Variants in STAG2 observed in about 807,000 individuals in gnomAD.
The protein encoded by STAG2 is cohesin subunit SA-2.
In STAG2, 14 loss-of-function variants were observed where a neutral mutation model predicts 108.1. That is an observed-to-expected ratio of 0.13 (90% CI 0.09 to 0.20). The LOEUF is 0.20. Among genes scored for constraint, STAG2 ranks in the 10% least tolerant of loss-of-function variants. The pLI is 1.00. For synonymous variants in STAG2, 307 were observed against 302.7 expected (o/e 1.01, Z -0.15); for missense variants, 440 against 940.9 (o/e 0.47, Z 6.96).
intron 13 of STAG2, among the ~76,000 whole-genome samples, chrX:124,053,265 C>T (rs1053747057): frequency 9.8e-5 from 11 of 112,004 alleles, no homozygotes; most frequent in Admixed American, 2.8e-4. Context: ...AATAATATGA[C>T]GTTTTATAAA....
At chrX:124,006,646 CAT>C (rs2056308071) in intron 1 of STAG2, among the ~76,000 whole-genome samples, 4 of 110,155 alleles carry the variant, frequency 3.6e-5, no homozygotes, top group East Asian at 2.9e-4. Context: ...TCACTGTGTT[CAT>C]CAGGATGGTC....
intron 24 of STAG2, among the ~76,000 whole-genome samples, chrX:124,070,685 A>G (rs1173631518): frequency 1.8e-5 from 2 of 111,943 alleles, no homozygotes; most frequent in Non-Finnish European, 3.8e-5. Flanking sequence ...TGTGATCTCT[A>G]TTCTAATACT....
At chrX:123,983,974 C>CTTTTCTTTTTTTTTTTTT (rs1168788249) in intron 1 of STAG2, among the ~76,000 whole-genome samples, 6 of 61,482 alleles carry the variant, frequency 9.8e-5, no homozygotes, top group Non-Finnish European at 1.4e-4. Context: ...CTTTTCTTTT[C>CTTTTCTTTTTTTTTTTTT]TTTTTTTTTT....
intron 1 of STAG2, among the ~76,000 whole-genome samples, chrX:123,986,555 C>T (rs1369040757): frequency 9.0e-6 from 1 of 111,698 alleles, no homozygotes; most frequent in Non-Finnish European, 1.9e-5. Flanking sequence ...GCACCTATGA[C>T]ACCTTTATTG....
rs199881082 is a variant in STAG2 at position 123,983,974 on chromosome X, CTT to C, written c.-163+22138_-163+22139del. On this transcript the variant is annotated intron_variant, in intron 1 of 34. Transcript: ENST00000371145. ...AAAAAGAATAATTTTCTTTTCTTTT[CTT>C]TTTTTTTTTTTTTTTTTTTGAGACG... Among the ~76,000 whole-genome samples the C allele has an allele frequency of 8.1e-3, 500 of 61,438 alleles. 4 individuals carry two copies. Among genetic ancestry groups the C allele is most frequent in the Non-Finnish European group, 0.011 (409 of 36,307 alleles). 53.4% of individuals were successfully genotyped at this position (61,438 alleles called of 115,157 possible). A position where few individuals can be genotyped will look rare whatever the true frequency, so the allele number is the denominator to read the frequency against.
chrX:124,099,754 A>C (rs1263612940), intron 34 of STAG2, among the ~76,000 whole-genome samples: 1 of 111,692 alleles, frequency 9.0e-6, no homozygotes, highest in East Asian at 2.8e-4. Flanking sequence ...ATCAGTTCTT[A>C]ATAGCTTATT....
Position 124,100,646 on chromosome X carries a change from A to G in STAG2, c.*49A>G, listed in dbSNP as rs1258127419. On this transcript the variant is annotated 3_prime_UTR_variant, in exon 35 of 35. Transcript: ENST00000371145. The stretch of plus-strand genomic sequence containing the variant: ...GGTGAAGTCATTTTCTAAGTGGAAG[A>G]GGAAATTTTAAAGTGTGGTAGATAC... 1 of 1,059,511 alleles carries G rather than the reference A, an allele frequency of 9.4e-7. No homozygotes were observed. The highest frequency in any genetic ancestry group is 3.0e-5 in the East Asian group (1 of 32,974). The allele number at this position is 1,059,511 out of a possible 1,213,427, so 87.3% of individuals were successfully genotyped here. A position where few individuals can be genotyped will look rare whatever the true frequency, so the allele number is the denominator to read the frequency against.
intron 16 of STAG2, 146 bp downstream of exon 16, chrX:124,061,487 T>C (rs2058374759): frequency 8.6e-6 from 4 of 463,512 alleles, no homozygotes; most frequent in South Asian, 7.9e-5. Flanking sequence ...ATAAATATTA[T>C]GCTATGTAAA....
chrX:123,978,697 A>G (rs1399334795), intron 1 of STAG2, among the ~76,000 whole-genome samples: 1 of 111,782 alleles, frequency 8.9e-6, no homozygotes, highest in Non-Finnish European at 1.9e-5. Flanking sequence ...AAATCTTCCA[A>G]AATCTGAAAC....
intron 1 of STAG2, among the ~76,000 whole-genome samples, chrX:124,013,722 C>G (rs1035921774): frequency 9.1e-6 from 1 of 110,340 alleles, no homozygotes; most frequent in Non-Finnish European, 1.9e-5. Flanking sequence ...TAAGGCAACT[C>G]AAGAGACAAA....
At position 124,093,382 on chromosome X, in the gene STAG2, A is replaced by T. The variant is rs147713894; in HGVS notation, c.3579-636A>T. Among the ~76,000 whole-genome samples, 12 of 109,802 alleles carry T rather than the reference A, an allele frequency of 1.1e-4. No individual in the cohort carries two copies. In the East Asian group the frequency reaches 3.1e-3, roughly 29 times the overall value. ...GCATAGTTTTCTTGTAATATTTATC[A>T]CATTTTGTCATAATTAATTGTTTAT... On this transcript the variant is annotated intron_variant, in intron 32 of 34. Coordinates refer to ENST00000371145, the MANE Select transcript of STAG2 (RefSeq NM_001042750.2).
intron 26 of STAG2, among the ~76,000 whole-genome samples, 190 bp downstream of exon 26, chrX:124,076,661 G>T (rs1344713068): frequency 9.0e-6 from 1 of 111,150 alleles, no homozygotes; most frequent in Non-Finnish European, 1.9e-5. Flanking sequence ...GGTTTATTGT[G>T]TTCGTTTGCA....
chrX:124,009,033 A>C (rs1265150346), intron 1 of STAG2, among the ~76,000 whole-genome samples: 4 of 111,802 alleles, frequency 3.6e-5, no homozygotes, highest in Non-Finnish European at 7.5e-5. Context: ...TCTCTGTAGT[A>C]GAGTGTACTT....
intron 4 of STAG2, among the ~76,000 whole-genome samples, chrX:124,028,706 G>C (rs1434895487): frequency 1.9e-5 from 2 of 107,447 alleles, no homozygotes; most frequent in African/African-American, 6.8e-5. Context: ...CAGGCTTTCA[G>C]TGGAAAGAAA....
rs1194907098 is a variant in STAG2 at position 124,100,841 on chromosome X, G to A, written c.*244G>A. On this transcript the variant is annotated 3_prime_UTR_variant, in exon 35 of 35. Transcript: ENST00000371145. ...TAGAAAGTAAATATTTTATTTATGC[G>A]CTGTTAGTTGGCTTTTGAATCGATT... 5 of 260,803 alleles carry A rather than the reference G, an allele frequency of 1.9e-5. No homozygotes were observed. Among genetic ancestry groups the A allele is most frequent in the African/African-American group, 2.9e-5 (1 of 34,382 alleles). The allele number at this position is 260,803 out of a possible 1,213,427, so 21.5% of individuals were successfully genotyped here. A position where few individuals can be genotyped will look rare whatever the true frequency, so the allele number is the denominator to read the frequency against.
intron 15 of STAG2, among the ~76,000 whole-genome samples, 177 bp downstream of exon 15, chrX:124,058,154 C>CTTTTTTT (rs999044036): frequency 1.2e-4 from 9 of 72,941 alleles, no homozygotes; most frequent in Non-Finnish European, 2.1e-4. Context: ...TACTTTTCTT[C>CTTTTTTT]TTTTTTTTTT....
intron 24 of STAG2, 132 bp downstream of exon 24, chrX:124,068,788 T>TA (rs1196331790): frequency 5.1e-6 from 2 of 389,776 alleles, no homozygotes; most frequent in Non-Finnish European, 8.8e-6. Context: ...TATATTATAC[T>TA]AAAAAAATAG....
intron 1 of STAG2, among the ~76,000 whole-genome samples, chrX:124,001,351 A>G (rs1040740943): frequency 1.8e-5 from 2 of 111,663 alleles, no homozygotes; most frequent in African/African-American, 3.3e-5. Flanking sequence ...CGGCCTCCCA[A>G]AGTGCTGAGA....
intron 1 of STAG2, among the ~76,000 whole-genome samples, chrX:123,969,218 G>A (rs749642224): frequency 9.0e-6 from 1 of 111,379 alleles, no homozygotes; most frequent in East Asian, 2.8e-4. Flanking sequence ...TAAAGTTTGT[G>A]GGATAATGAA....
Sources: allele counts gnomAD v4.1 joint callset (sites outside exome capture counted in the v4.1 genomes callset), GRCh38; gene constraint gnomAD v4.1.1; transcripts MANE v1.5; gene names NCBI Gene and HGNC (gene_info 2026-07-23, HGNC 2026-07-21).